MFSD1: variants seen among roughly 807,000 people sequenced by gnomAD.
MFSD1 encodes lysosomal dipeptide transporter MFSD1.
MFSD1 carries 59 observed loss-of-function variants against 67.1 expected under a neutral mutation model. That is an observed-to-expected ratio of 0.88 (90% confidence interval 0.71 to 1.09). The LOEUF is 1.09. Ranked by LOEUF, MFSD1 falls within the 50% of genes least tolerant of loss-of-function variation. MFSD1 has a pLI of 0.00. For synonymous variants in MFSD1, 213 were observed against 200.3 expected (o/e 1.06, Z -0.54); for missense variants, 552 against 566.1 (o/e 0.97, Z 0.25).
rs762550390 is a variant in MFSD1 at position 158,820,339 on chromosome 3, T to C, written c.863+13T>C. 2 of 1,502,496 alleles carry C rather than the reference T, an allele frequency of 1.3e-6. No individual in the cohort carries two copies. Among genetic ancestry groups the C allele is most frequent in the South Asian group, 2.3e-5 (2 of 88,358 alleles). The allele number at this position is 1,502,496 out of a possible 1,614,324, so 93.1% of individuals were successfully genotyped here. A position where few individuals can be genotyped will look rare whatever the true frequency, so the allele number is the denominator to read the frequency against. ...TTGGACTTGGGAAGTGAGTATTCTC[T>C]ATGTTTCCATTATTTCTTGTCTAAA... On this transcript the variant is annotated intron_variant, in intron 9 of 15. Transcript: ENST00000415822.
chr3:158,804,275 A>G, intron 1 of MFSD1, 44 bp from the exon 2 acceptor site: 1 of 1,434,292 alleles, frequency 7.0e-7, no homozygotes, highest in African/African-American at 1.4e-5. Flanking sequence ...TGAAACTTTT[A>G]TATGGGAAGT....
chr3:158,815,073 ACT>A (rs1218643648), intron 7 of MFSD1, among the ~76,000 whole-genome samples: 2 of 152,120 alleles, frequency 1.3e-5, no homozygotes, highest in Admixed American at 1.3e-4. Context: ...CAAGAGCAAA[ACT>A]CTGTCTCAAA....
chr3:158,806,364 A>C (rs1729728519), intron 3 of MFSD1, among the ~76,000 whole-genome samples: 1 of 152,208 alleles, frequency 6.6e-6, no homozygotes, highest in Non-Finnish European at 1.5e-5. Flanking sequence ...AACCATAGTA[A>C]GTTTTCCAGT....
intron 7 of MFSD1, 23 bp from the exon 8 acceptor site, chr3:158,819,624 TTC>T: frequency 1.7e-6 from 2 of 1,192,246 alleles, no homozygotes; most frequent in Non-Finnish European, 2.2e-6. Context: ...AAGTCTGTTT[TTC>T]TTTTTTTTTT....
At chr3:158,818,766 T>A (rs1219562061) in intron 7 of MFSD1, among the ~76,000 whole-genome samples, 2 of 152,172 alleles carry the variant, frequency 1.3e-5, no homozygotes, top group Non-Finnish European at 2.9e-5. Context: ...AAAACCTCCT[T>A]TTTACTCTTA....
intron 6 of MFSD1, among the ~76,000 whole-genome samples, chr3:158,812,116 T>A (rs1463485682): frequency 1.3e-5 from 2 of 152,120 alleles, no homozygotes; most frequent in East Asian, 3.8e-4. Flanking sequence ...ACATGAATAC[T>A]AAGAAAAATG....
At chr3:158,804,419 T>C (rs369413923) in intron 2 of MFSD1, 48 bp downstream of exon 2, 1 of 1,508,298 alleles carries the variant, frequency 6.6e-7, no homozygotes, top group Non-Finnish European at 9.2e-7. Flanking sequence ...TTAGAGCAAG[T>C]GTAGCGGTGG....
chr3:158,826,968 A>G (rs1250248393), intron 14 of MFSD1, among the ~76,000 whole-genome samples: 1 of 151,976 alleles, frequency 6.6e-6, no homozygotes, highest in Admixed American at 6.6e-5. Flanking sequence ...ATTTCCTTTA[A>G]TTTCTCTTAA....
chr3:158,814,179 G>A, intron 7 of MFSD1, 112 bp downstream of exon 7: 1 of 699,944 alleles, frequency 1.4e-6, no homozygotes, highest in Non-Finnish European at 2.4e-6. Context: ...TTATAGTGTT[G>A]TCTCCATGGT....
intron 15 of MFSD1, 82 bp downstream of exon 15, chr3:158,827,419 A>AT: frequency 2.0e-4 from 134 of 662,770 alleles, no homozygotes; most frequent in Non-Finnish European, 2.6e-4. Context: ...TGGGCTTTGA[A>AT]GTTTTTTTTT....
intron 1 of MFSD1, 62 bp from the exon 2 acceptor site, chr3:158,804,257 C>A: frequency 8.0e-7 from 1 of 1,244,550 alleles, no homozygotes; most frequent in Non-Finnish European, 1.1e-6. Flanking sequence ...TCAGTAGCAA[C>A]TGCAACTTGA....
intron 9 of MFSD1, among the ~76,000 whole-genome samples, 161 bp from the exon 10 acceptor site, chr3:158,821,435 AC>A (rs1377910231): frequency 6.6e-6 from 1 of 152,238 alleles, no homozygotes; most frequent in African/African-American, 2.4e-5. Flanking sequence ...TAATATAAAT[AC>A]TGAAGCTTTA....
At chr3:158,806,484 A>G (rs1458442825) in intron 3 of MFSD1, among the ~76,000 whole-genome samples, 1 of 152,178 alleles carries the variant, frequency 6.6e-6, no homozygotes, top group South Asian at 2.1e-4. Flanking sequence ...ATGGCCTTTA[A>G]GGACTCTTCT....
chr3:158,805,308 A>G, intron 2 of MFSD1, 54 bp from the exon 3 acceptor site: 2 of 1,310,758 alleles, frequency 1.5e-6, no homozygotes, highest in Non-Finnish European at 1.1e-6. Flanking sequence ...TTGATTTGTT[A>G]GTTGCTAAAC....
rs772272229 is a variant in MFSD1, at chr3:158,814,080, C to A, written c.652+13C>A. 8.9e-6 allele frequency: 14 copies of A among 1,579,866 alleles called. No homozygotes were observed. The highest frequency in any genetic ancestry group is 2.2e-5 in the South Asian group (2 of 90,224). ...ACACTTATGATTGGTGAGTGAATCC[C>A]ATGTCCCACATCTCTCCTCTTCTGA... On this transcript the variant is annotated intron_variant, in intron 7 of 15. Coordinates refer to ENST00000415822, the MANE Select transcript of MFSD1 (RefSeq NM_022736.4).
At chr3:158,827,388 T>C (rs1731032642) in intron 15 of MFSD1, 51 bp downstream of exon 15, 1 of 1,063,688 alleles carries the variant, frequency 9.4e-7, no homozygotes, top group Non-Finnish European at 1.3e-6. Context: ...ATCTTAAATA[T>C]GAGCATTTCG....
chr3:158,822,091 T>G lies in MFSD1; in HGVS notation c.1028T>G (p.Val343Gly). ...WVLCAVAATL[V>G]SHMMLAFTMW... Reference sequence around the variant, plus strand: ...CTTTGCGCAGTAGCAGCCACTCTTGTGTCCCACATGATGCTGGCCTTTACG... The same window carrying G: ...CTTTGCGCAGTAGCAGCCACTCTTGGGTCCCACATGATGCTGGCCTTTACG... Residue 343 changes from valine (V) to glycine (G), a missense_variant, in exon 11 of 16, where the codon GTG (valine) becomes GGG (glycine). Transcript: ENST00000415822. 6.2e-7 allele frequency: 1 copy of G among 1,613,992 alleles called. No homozygotes were observed. Among genetic ancestry groups the G allele is most frequent in the Non-Finnish European group, 8.5e-7 (1 of 1,179,896 alleles).
intron 3 of MFSD1, 72 bp downstream of exon 3, chr3:158,805,546 T>C: frequency 8.9e-7 from 1 of 1,128,610 alleles, no homozygotes; most frequent in South Asian, 1.3e-5. Context: ...ATTAAGGTAT[T>C]TCTAGAAAGA....
At position 158,804,341 on chromosome 3, in the gene MFSD1, T is replaced by TCC. The variant is rs1488851552; in HGVS notation, c.187_188dup (p.Ala64LeufsTer14). On this transcript the variant is annotated frameshift_variant, in exon 2 of 16. Transcript: ENST00000415822. LOFTEE classifies it high-confidence loss of function. ...TAGGCAGCTATTTTTGCTATGATAA[T>TCC]CCTGCTGCCCTTCAGACTCAAGTTA... The TCC allele has an allele frequency of 6.2e-7, 1 of 1,611,220 alleles. No individual in the cohort carries two copies. Among genetic ancestry groups the TCC allele is most frequent in the Admixed American group, 1.7e-5 (1 of 59,408 alleles).
Sources: allele counts gnomAD v4.1 joint callset (sites outside exome capture counted in the v4.1 genomes callset), GRCh38; gene constraint gnomAD v4.1.1; transcripts MANE v1.5; gene names NCBI Gene and HGNC (gene_info 2026-07-23, HGNC 2026-07-21).